The following ADGRL1 variants were observed in gnomAD, a reference collection of about 807,000 sequenced individuals.
ADGRL1 encodes the protein CIRL-1.
ADGRL1 carries 31 observed loss-of-function variants against 148.9 expected under a neutral mutation model. The ratio of observed to expected loss-of-function variants is 0.21; its 90% CI spans 0.16 to 0.28. The LOEUF is 0.28. Among genes scored for constraint, ADGRL1 ranks in the 10% least tolerant of loss-of-function variants. ADGRL1 has a pLI of 1.00. For missense variants in ADGRL1, 1,521 were observed against 2,058.8 expected (o/e 0.74, Z 5.05); for synonymous variants, 937 against 900.3 (o/e 1.04, Z -0.73).
chr19:14,204,286 G>A (rs1434253137), intron 1 of ADGRL1, among the ~76,000 whole-genome samples: 2 of 152,092 alleles, frequency 1.3e-5, no homozygotes, highest in African/African-American at 4.8e-5. Context: ...AGGGAGGAAG[G>A]AGAAGTCACC....
intron 16 of ADGRL1, 25 bp downstream of exon 16, chr19:14,156,633 C>G: frequency 6.3e-7 from 1 of 1,599,876 alleles, no homozygotes; most frequent in Non-Finnish European, 8.5e-7. Flanking sequence ...AGATGTGGTG[C>G]TAGGGGTGTC....
At chr19:14,184,290 C>T (rs1208086105) in intron 1 of ADGRL1, among the ~76,000 whole-genome samples, 6 of 152,024 alleles carry the variant, frequency 3.9e-5, no homozygotes, top group South Asian at 2.1e-4. Flanking sequence ...GACAGGCAGG[C>T]GGGGTGGGAG....
At chr19:14,164,275 G>A (rs980224270) in intron 4 of ADGRL1, among the ~76,000 whole-genome samples, 12 of 152,216 alleles carry the variant, frequency 7.9e-5, no homozygotes, top group African/African-American at 2.9e-4. Context: ...CTGTGCACAG[G>A]GGTGGGGGTG....
chr19:14,152,927 A>ACAGT lies in ADGRL1; in HGVS notation c.3295-19_3295-16dup, dbSNP rs1286842085. ...TCCTTGTGCACCTGGGAGGTGGAGGACAGTCAGCTGGCTGGGACACTGGCC... is the reference window on the plus strand; with the variant it reads ...TCCTTGTGCACCTGGGAGGTGGAGGACAGTCAGTCAGCTGGCTGGGACACTGGCC... On this transcript the variant is annotated splice_polypyrimidine_tract_variant and intron_variant, in intron 18 of 22. Coordinates refer to ENST00000361434, the MANE Select transcript of ADGRL1 (RefSeq NM_014921.5). This position sits in a 1 kb window ranked among gnomAD's most constrained non-coding sequence, Gnocchi z 6.1. The ACAGT allele has an allele frequency of 4.3e-6, 7 of 1,613,018 alleles. No individual in the cohort carries two copies. Among genetic ancestry groups the ACAGT allele is most frequent in the African/African-American group, 4.0e-5 (3 of 75,038 alleles).
At chr19:14,163,579 T>C (rs1004623161) in intron 4 of ADGRL1, among the ~76,000 whole-genome samples, 173 bp from the exon 5 acceptor site, 4 of 151,864 alleles carry the variant, frequency 2.6e-5, no homozygotes, top group African/African-American at 7.3e-5. Flanking sequence ...GGTTGCTTGG[T>C]ATGGCTGGTG....
chr19:14,155,705 C>T lies in ADGRL1; in HGVS notation c.3126-178G>A. The T allele has an allele frequency of 1.6e-6, 1 of 614,490 alleles. No individual in the cohort carries two copies. The highest frequency in any genetic ancestry group is 2.0e-5 in the South Asian group (1 of 50,460). 38.1% of individuals were successfully genotyped at this position (614,490 alleles called of 1,614,324 possible). A position where few individuals can be genotyped will look rare whatever the true frequency, so the allele number is the denominator to read the frequency against. Reference sequence around the variant, plus strand: ...CCTGCCCAGGACACCTCCACCGGAGCCTGGGCCTGAGGGAAAGGTACTGGG... The same window carrying T: ...CCTGCCCAGGACACCTCCACCGGAGTCTGGGCCTGAGGGAAAGGTACTGGG... On this transcript the variant is annotated intron_variant, in intron 17 of 22. Coordinates refer to ENST00000361434, the MANE Select transcript of ADGRL1 (RefSeq NM_014921.5). The surrounding 1 kb of genome is among the most constrained non-coding windows in gnomAD (Gnocchi z 5.0).
At chr19:14,182,938 G>A (rs1599484634) in intron 2 of ADGRL1, among the ~76,000 whole-genome samples, 1 of 151,844 alleles carries the variant, frequency 6.6e-6, no homozygotes, top group Non-Finnish European at 1.5e-5. Flanking sequence ...CCAGAGTGAG[G>A]GGCCGGGCCT....
chr19:14,159,357 T>A lies in ADGRL1; in HGVS notation c.2023+44A>T. 3.8e-6 allele frequency: 6 copies of A among 1,578,440 alleles called. No individual in the cohort carries two copies. The highest frequency in any genetic ancestry group is 5.2e-6 in the Non-Finnish European group (6 of 1,158,196). On this transcript the variant is annotated intron_variant, in intron 10 of 22. Transcript: ENST00000361434. This position sits in a 1 kb window ranked among gnomAD's most constrained non-coding sequence, Gnocchi z 6.0. ...GCCTCCAGGCCAGAACCCCGTGGTT[T>A]AAGGTTCGTATCTGAGTTTGCCCTG...
intron 1 of ADGRL1, among the ~76,000 whole-genome samples, chr19:14,193,039 G>C (rs1470835094): frequency 6.6e-6 from 1 of 152,124 alleles, no homozygotes; most frequent in Non-Finnish European, 1.5e-5. Flanking sequence ...TGTGACCTGG[G>C]GGACCACGCC....
chr19:14,159,762 T>C lies in ADGRL1; in HGVS notation c.1812A>G (p.Arg604=), dbSNP rs1200312270. 1 of 1,613,992 alleles carries C rather than the reference T, an allele frequency of 6.2e-7. No homozygotes were observed. Among genetic ancestry groups the C allele is most frequent in the South Asian group, 1.1e-5 (1 of 91,084 alleles). ...AGKNYNKMHK[R]ERTCKDYIKA... is the part of the protein sequence containing the mutation. The stretch of plus-strand genomic sequence containing the variant: ...TGATATAATCCTTACAAGTTCTCTC[T>C]CGCTTGTGCATCTAGAAAGAGATGG... The change falls in exon 9 of 23, where the codon CGA becomes CGG. Residue 604 remains arginine (R), a synonymous_variant. Transcript: ENST00000361434. The surrounding 1 kb of genome is among the most constrained non-coding windows in gnomAD (Gnocchi z 6.0).
intron 2 of ADGRL1, among the ~76,000 whole-genome samples, chr19:14,178,553 C>G (rs1452279638): frequency 4.6e-5 from 7 of 152,094 alleles, no homozygotes; most frequent in Non-Finnish European, 7.4e-5. Context: ...GGATCTTCCT[C>G]TGTCACCCAG....
At chr19:14,204,255 T>C (rs978003889) in intron 1 of ADGRL1, among the ~76,000 whole-genome samples, 2 of 152,098 alleles carry the variant, frequency 1.3e-5, no homozygotes, top group African/African-American at 4.8e-5. Flanking sequence ...GTAATAAATT[T>C]GGCATTAGTG....
intron 1 of ADGRL1, among the ~76,000 whole-genome samples, chr19:14,198,762 T>C (rs1409268112): frequency 6.6e-6 from 1 of 152,142 alleles, no homozygotes; most frequent in East Asian, 1.9e-4. Context: ...CTCTCACAGA[T>C]GCTCCTTCCC....
chr19:14,167,974 G>A (rs1970143031), intron 4 of ADGRL1, among the ~76,000 whole-genome samples: 1 of 152,156 alleles, frequency 6.6e-6, no homozygotes, highest in African/African-American at 2.4e-5. Flanking sequence ...ACTGTGCTCA[G>A]CTGCAAAGCA....
At chr19:14,187,781 T>C (rs1002901840) in intron 1 of ADGRL1, among the ~76,000 whole-genome samples, 4 of 152,016 alleles carry the variant, frequency 2.6e-5, no homozygotes, top group Admixed American at 2.6e-4. Context: ...GTGGCTTCCT[T>C]ATTTCAACTT....
chr19:14,177,448 G>T, intron 3 of ADGRL1, 83 bp downstream of exon 3: 1 of 1,281,058 alleles, frequency 7.8e-7, no homozygotes, highest in Non-Finnish European at 1.1e-6. Context: ...AAAAAAAGAT[G>T]TAAGGTGAAC....
At chr19:14,187,589 C>T (rs1205046687) in intron 1 of ADGRL1, among the ~76,000 whole-genome samples, 9 of 145,306 alleles carry the variant, frequency 6.2e-5, no homozygotes, top group Non-Finnish European at 1.1e-4. Flanking sequence ...ACCTCCAGCC[C>T]CCAACCGCGT....
chr19:14,204,138 G>A (rs1311885515), intron 1 of ADGRL1, among the ~76,000 whole-genome samples: 1 of 152,156 alleles, frequency 6.6e-6, no homozygotes, highest in Admixed American at 6.5e-5. Flanking sequence ...GTTCTGAACG[G>A]CATGGCAGAC....
intron 4 of ADGRL1, 174 bp downstream of exon 4, chr19:14,170,506 AGT>A: frequency 3.6e-6 from 2 of 550,918 alleles, no homozygotes; most frequent in Non-Finnish European, 6.6e-6. Context: ...GCAGGCACTG[AGT>A]GTGGACACTG....
Sources: gnomAD v4.1 joint callset for allele counts (sites outside exome capture counted in the v4.1 genomes callset) on GRCh38, gnomAD v4.1.1 for gene constraint, Gnocchi (gnomAD v3.1) non-coding constraint, MANE v1.5 for transcripts, NCBI Gene and HGNC (gene_info 2026-07-23, HGNC 2026-07-21) for gene names.